The following EXT1 variants were observed in gnomAD, a reference collection of about 807,000 sequenced individuals.
EXT1 encodes the protein exostosin glycosyltransferase 1.
In EXT1, 20 loss-of-function variants were observed where a neutral mutation model predicts 82.5. That is an observed-to-expected ratio of 0.24 (90% CI 0.17 to 0.35). The LOEUF (loss-of-function observed/expected upper bound fraction) is 0.35, where lower values mean the gene tolerates loss of function less well. Ranked by LOEUF, EXT1 falls within the 10% of genes least tolerant of loss-of-function variation. EXT1 has a pLI of 1.00. For synonymous variants in EXT1, 348 were observed against 350.8 expected (o/e 0.99, Z 0.09); for missense variants, 757 against 936.5 (o/e 0.81, Z 2.50).
chr8:118,017,545 C>T (rs867780815), intron 1 of EXT1, among the ~76,000 whole-genome samples: 3 of 152,254 alleles, frequency 2.0e-5, no homozygotes, highest in Admixed American at 6.5e-5. Flanking sequence ...GGTATGCAGA[C>T]ACTCTTGCCA....
At chr8:118,098,810 C>T (rs1817666538) in intron 1 of EXT1, among the ~76,000 whole-genome samples, 1 of 150,578 alleles carries the variant, frequency 6.6e-6, no homozygotes, top group South Asian at 2.1e-4. Context: ...ACCACAGGAT[C>T]AGAAAACTTA....
chr8:117,941,863 G>C (rs1814287604), intron 1 of EXT1, among the ~76,000 whole-genome samples: 1 of 152,166 alleles, frequency 6.6e-6, no homozygotes, highest in Non-Finnish European at 1.5e-5. Context: ...AAATGGCTGG[G>C]CAGCCTCACC....
chr8:118,029,886 A>G (rs1486554818), intron 1 of EXT1, among the ~76,000 whole-genome samples: 1 of 152,188 alleles, frequency 6.6e-6, no homozygotes, highest in Non-Finnish European at 1.5e-5. Context: ...TCCCACAAGT[A>G]TTTGCTTTCC....
In EXT1 at chr8:117,801,745, A is replaced by C. The variant is rs1823169429; in HGVS notation, c.2056-1848T>G. On this transcript the variant is annotated intron_variant, in intron 10 of 10. Coordinates refer to ENST00000378204, the MANE Select transcript of EXT1 (RefSeq NM_000127.3). ...GGTCCTGAACTCCTGAGCTCAAGCA[A>C]TCCACCTGCTCTGGCCTCCCAAAAT... Among the ~76,000 whole-genome samples the C allele has an allele frequency of 2.0e-5, 3 of 152,202 alleles. No homozygotes were observed. The South Asian group carries it at 6.2e-4, about 32-fold the overall frequency.
intron 9 of EXT1, 78 bp downstream of exon 9, chr8:117,807,139 G>T: frequency 1.3e-6 from 2 of 1,552,420 alleles, no homozygotes; most frequent in Non-Finnish European, 1.8e-6. Flanking sequence ...AACAAGATTT[G>T]GCCTTAGTTC....
chr8:117,854,941 C>T (rs112038557), intron 1 of EXT1, among the ~76,000 whole-genome samples: 32 of 152,302 alleles, frequency 2.1e-4, no homozygotes, highest in South Asian at 2.1e-3. Flanking sequence ...TGAAATCTTT[C>T]AAAGCAATGA....
rs190951357 is a variant in EXT1, at chr8:117,925,619, A to G, written c.963-88418T>C. ...TGTGGTGGCTCACACCTGTAATCCT[A>G]GCACCTTGGGAAGCAAAGGTAGGGG... is the stretch of plus-strand genomic sequence containing the variant. On this transcript the variant is annotated intron_variant, in intron 1 of 10. Coordinates refer to ENST00000378204, the MANE Select transcript of EXT1 (RefSeq NM_000127.3). 1.3e-3 allele frequency among the ~76,000 whole-genome samples: 194 copies of G among 149,186 alleles called. 1 individual carries two copies. Among genetic ancestry groups the G allele is most frequent in the African/African-American group, 4.6e-3 (186 of 40,476 alleles).
intron 1 of EXT1, among the ~76,000 whole-genome samples, chr8:117,859,607 A>G (rs1812645248): frequency 6.6e-6 from 1 of 152,256 alleles, no homozygotes; most frequent in South Asian, 2.1e-4. Context: ...CAAAAGCAAG[A>G]GCCAAAAGAA....
intron 1 of EXT1, among the ~76,000 whole-genome samples, chr8:117,920,564 T>C (rs758668076): frequency 1.3e-5 from 2 of 152,152 alleles, no homozygotes; most frequent in Non-Finnish European, 2.9e-5. Context: ...CAGAAAATAA[T>C]CATCATGCAA....
chr8:117,844,378 C>G (rs543720224), intron 1 of EXT1, among the ~76,000 whole-genome samples: 1 of 152,084 alleles, frequency 6.6e-6, no homozygotes, highest in South Asian at 2.1e-4. Flanking sequence ...GTCTTGAACT[C>G]CTGGGCTCAA....
chr8:117,977,014 A>G (rs956207286), intron 1 of EXT1, among the ~76,000 whole-genome samples: 1 of 152,172 alleles, frequency 6.6e-6, no homozygotes, highest in Non-Finnish European at 1.5e-5. Flanking sequence ...TTTGGAACTG[A>G]TCATTCAGGG....
chr8:117,804,628 C>T (rs1258396611), intron 10 of EXT1, 94 bp downstream of exon 10: 5 of 1,388,520 alleles, frequency 3.6e-6, no homozygotes, highest in Middle Eastern at 1.9e-4. Flanking sequence ...ATTATATGCT[C>T]CTGGGTGGAA....
rs147654656 is a variant in EXT1 at position 118,110,948 on chromosome 8, G to T, written c.99C>A (p.Ser33Arg). Reference sequence around the variant, plus strand: ...CGCTGTGTTCTTCTCTCCGGCTGTGGCTCCTCGATGCCCTAAACTGCAAGC... The same window carrying T: ...CGCTGTGTTCTTCTCTCCGGCTGTGTCTCCTCGATGCCCTAAACTGCAAGC... ...FGGLQFRASR[S>R]HSRREEHSGR... is the part of the protein sequence containing the mutation. Residue 33 changes from serine to arginine, a missense_variant, in exon 1 of 11, where the codon AGC becomes AGA. Physicochemically the swap from Ser to Arg is moderately radical, Grantham distance 110. Transcript: ENST00000378204. The T allele has an allele frequency of 6.2e-7, 1 of 1,613,122 alleles. No individual in the cohort carries two copies. Among genetic ancestry groups the T allele is most frequent in the East Asian group, 2.2e-5 (1 of 44,872 alleles).
In EXT1 at chr8:118,019,399, CAGAG is replaced by C. The variant is rs539247189; in HGVS notation, c.962+90682_962+90685del. The stretch of plus-strand genomic sequence containing the variant: ...TACTCAAAAAGTGTGTGTTTGTGGA[CAGAG>C]AGAAAGACAGGCAGAGAGAGAGAAT... On this transcript the variant is annotated intron_variant, in intron 1 of 10. Coordinates refer to ENST00000378204, the MANE Select transcript of EXT1 (RefSeq NM_000127.3). 2.7e-3 allele frequency among the ~76,000 whole-genome samples: 408 copies of C among 152,196 alleles called. 1 individual carries two copies. The highest frequency in any genetic ancestry group is 4.5e-3 in the Non-Finnish European group (303 of 68,006).
chr8:118,042,380 G>A (rs1224475743), intron 1 of EXT1, among the ~76,000 whole-genome samples: 4 of 152,006 alleles, frequency 2.6e-5, no homozygotes, highest in Non-Finnish European at 5.9e-5. Context: ...TGTAACCTCC[G>A]CCTCCTGATT....
At chr8:117,870,102 A>C (rs1398446258) in intron 1 of EXT1, among the ~76,000 whole-genome samples, 1 of 152,182 alleles carries the variant, frequency 6.6e-6, no homozygotes, top group Non-Finnish European at 1.5e-5. Flanking sequence ...CTTACTTTAA[A>C]AAAAAAATTA....
At chr8:117,799,960 G>A in intron 10 of EXT1, 63 bp from the exon 11 acceptor site, 1 of 1,559,712 alleles carries the variant, frequency 6.4e-7, no homozygotes, top group East Asian at 2.3e-5. Context: ...TGGAAACATT[G>A]CAGAAAATGG....
intron 1 of EXT1, among the ~76,000 whole-genome samples, chr8:118,090,064 T>C (rs1029911298): frequency 1.3e-5 from 2 of 152,128 alleles, no homozygotes; most frequent in Non-Finnish European, 2.9e-5. Context: ...TCCATCCTTT[T>C]CAGTGGTGGT....
chr8:117,840,742 G>A (rs1346021694), intron 1 of EXT1, among the ~76,000 whole-genome samples: 1 of 151,894 alleles, frequency 6.6e-6, no homozygotes, highest in Non-Finnish European at 1.5e-5. Flanking sequence ...AACTTTAAAA[G>A]AGGCTAAGGA....
Sources: allele counts gnomAD v4.1 joint callset (sites outside exome capture counted in the v4.1 genomes callset), GRCh38; gene constraint gnomAD v4.1.1; transcripts MANE v1.5; gene names NCBI Gene and HGNC (gene_info 2026-07-23, HGNC 2026-07-21).